Variants in PCDHGA11 observed in about 807,000 individuals in gnomAD.
The protein encoded by PCDHGA11 is protocadherin gamma subfamily A, 11, also known as protocadherin gamma-A11.
PCDHGA11 carries 39 observed loss-of-function variants against 60.4 expected under a neutral mutation model. The ratio of observed to expected loss-of-function variants is 0.65; its 90% CI spans 0.50 to 0.84. PCDHGA11 has a LOEUF of 0.84. PCDHGA11 is among the 40% of genes least tolerant of loss of function. The probability of loss-of-function intolerance (pLI) is 0.00; values close to 1 mark genes in which losing one functional copy is unlikely to be tolerated. For synonymous variants in PCDHGA11, 533 were observed against 510.3 expected (o/e 1.04, Z -0.60); for missense variants, 1,165 against 1,197.7 (o/e 0.97, Z 0.40).
At chr5:141,494,972 C>G in intron 2 of PCDHGA11, 107 bp downstream of exon 2, 1 of 1,581,852 alleles carries the variant, frequency 6.3e-7, no homozygotes, top group Non-Finnish European at 8.6e-7. Context: ...TGGCTTCTCC[C>G]TCAGTTTGAG....
chr5:141,439,186 C>T (rs2098094521), intron 1 of PCDHGA11, among the ~76,000 whole-genome samples: 1 of 141,808 alleles, frequency 7.1e-6, no homozygotes, highest in Admixed American at 7.0e-5. Flanking sequence ...TAGTGAGACT[C>T]TGACAAAAAA....
intron 2 of PCDHGA11, among the ~76,000 whole-genome samples, chr5:141,501,290 TACACACACACACACACACACAC>T (rs55762287): frequency 1.4e-4 from 19 of 136,248 alleles, no homozygotes; most frequent in Admixed American, 1.1e-3. Context: ...TATTCCCTTA[TACACACACACACACACACACAC>T]ACACACACAC....
intron 1 of PCDHGA11, among the ~76,000 whole-genome samples, chr5:141,459,109 C>A (rs1213203625): frequency 6.6e-6 from 1 of 152,174 alleles, no homozygotes; most frequent in Non-Finnish European, 1.5e-5. Context: ...TGCATTTTGA[C>A]AATTGTTTAC....
chr5:141,483,648 T>TTG (rs111458813), intron 1 of PCDHGA11, among the ~76,000 whole-genome samples: 1,883 of 149,700 alleles, frequency 0.013, 19 homozygotes, highest in African/African-American at 0.023. Flanking sequence ...GGGTGTGTGT[T>TTG]TGTGTGTGTG....
In PCDHGA11 at chr5:141,421,457, C is replaced by T. The variant is rs377073702; in HGVS notation, c.230C>T (p.Ala77Val). The T allele has an allele frequency of 5.6e-6, 9 of 1,614,014 alleles. No homozygotes were observed. Among genetic ancestry groups the T allele is most frequent in the African/African-American group, 2.7e-5 (2 of 74,956 alleles). Residue 77 changes from alanine to valine, a missense_variant, in exon 1 of 4, where the codon GCT becomes GTT. Coordinates refer to ENST00000398587, the MANE Select transcript of PCDHGA11 (RefSeq NM_018914.3). ...IVSRGKTQLF[A>V]VNPRSGSLIT... ...TCCAGAGGGAAGACACAGCTTTTCG[C>T]TGTGAATCCGCGAAGCGGCAGCTTG...
intron 1 of PCDHGA11, chr5:141,433,013 AC>A: frequency 6.2e-7 from 1 of 1,614,018 alleles, no homozygotes; most frequent in Non-Finnish European, 8.5e-7. Flanking sequence ...TTTCCTGCAG[AC>A]CTATTCCCAC....
At chr5:141,463,335 A>G (rs565781645) in intron 1 of PCDHGA11, among the ~76,000 whole-genome samples, 3 of 149,628 alleles carry the variant, frequency 2.0e-5, no homozygotes, top group South Asian at 2.1e-4. Context: ...CAGCAAAACC[A>G]TGGTGTTATT....
In PCDHGA11 at chr5:141,490,682, C is replaced by T. The variant is rs1286126848; in HGVS notation, c.2434-4125C>T. On this transcript the variant is annotated intron_variant, in intron 1 of 3. Coordinates refer to ENST00000398587, the MANE Select transcript of PCDHGA11 (RefSeq NM_018914.3). The surrounding 1 kb of genome is among the most constrained non-coding windows in gnomAD (Gnocchi z 5.4). ...CTTTGCACTGTGGCTGCCTCAGATC[C>T]AGACACTGGGGATAATGCCCGCCTC... 10 of 1,614,054 alleles carry T rather than the reference C, an allele frequency of 6.2e-6. No homozygotes were observed. The highest frequency in any genetic ancestry group is 3.3e-5 in the Admixed American group (2 of 60,008).
rs560662076 is a variant in PCDHGA11, at chr5:141,498,856, C to A, written c.2492+3991C>A. Among the ~76,000 whole-genome samples, 72 of 152,004 alleles carry A rather than the reference C, an allele frequency of 4.7e-4. 2 individuals carry two copies. Among genetic ancestry groups the A allele is most frequent in the African/African-American group, 1.7e-3 (69 of 41,430 alleles). ...GCTGAGGCAGGGGAATCGCTTGAACCCAGGAGGCGGAGGTTGCAGTGAGCT... is the reference window on the plus strand; with the variant it reads ...GCTGAGGCAGGGGAATCGCTTGAACACAGGAGGCGGAGGTTGCAGTGAGCT... On this transcript the variant is annotated intron_variant, in intron 2 of 3. Coordinates refer to ENST00000398587, the MANE Select transcript of PCDHGA11 (RefSeq NM_018914.3).
chr5:141,473,148 C>T (rs1381616255), intron 1 of PCDHGA11, among the ~76,000 whole-genome samples: 1 of 152,184 alleles, frequency 6.6e-6, no homozygotes, highest in Non-Finnish European at 1.5e-5. Flanking sequence ...CTCTTCAGAT[C>T]ACTAGGGCTA....
In PCDHGA11 at chr5:141,421,780, G is replaced by A. The variant is rs1259671007; in HGVS notation, c.553G>A (p.Gly185Ser). Residue 185 changes from glycine (G) to serine (S), a missense_variant, in exon 1 of 4, where the codon GGC (glycine) becomes AGC (serine). Gly to Ser is a moderately conservative substitution (Grantham distance 56, BLOSUM62 0). Coordinates refer to ENST00000398587, the MANE Select transcript of PCDHGA11 (RefSeq NM_018914.3). ...PNNYFSLQLR[G>S]RTDGAKNPEL... ...TAATTACTTTTCCTTGCAACTGCGGGGCAGAACGGATGGGGCCAAGAATCC... is the reference window on the plus strand; with the variant it reads ...TAATTACTTTTCCTTGCAACTGCGGAGCAGAACGGATGGGGCCAAGAATCC... The A allele has an allele frequency of 2.5e-6, 4 of 1,613,856 alleles. No homozygotes were observed. In the South Asian group the frequency reaches 4.4e-5, roughly 18 times the overall value.
chr5:141,469,372 C>T (rs780872014), intron 1 of PCDHGA11, among the ~76,000 whole-genome samples: 2 of 151,990 alleles, frequency 1.3e-5, no homozygotes, highest in African/African-American at 2.4e-5. Context: ...GTAAAGAGAT[C>T]GAGACCATCC....
chr5:141,453,560 G>A (rs1230229107), intron 1 of PCDHGA11, among the ~76,000 whole-genome samples: 3 of 151,968 alleles, frequency 2.0e-5, no homozygotes, highest in Admixed American at 6.6e-5. Flanking sequence ...GTAGATAATC[G>A]ATTTCATTAG....
chr5:141,490,945 C>T lies in PCDHGA11; in HGVS notation c.2434-3862C>T, dbSNP rs2099706308. On this transcript the variant is annotated intron_variant, in intron 1 of 3. Transcript: ENST00000398587. This position sits in a 1 kb window ranked among gnomAD's most constrained non-coding sequence, Gnocchi z 5.4. ...TGCCCCAGCTGTGCTGCACCCACGG[C>T]CAGACTGGGAACACTCAGCCCCCCA... The T allele has an allele frequency of 6.2e-7, 1 of 1,613,434 alleles. No homozygotes were observed. Among genetic ancestry groups the T allele is most frequent in the South Asian group, 1.1e-5 (1 of 91,010 alleles).
At chr5:141,426,788 T>C (rs2096960035) in intron 1 of PCDHGA11, 1 of 456,568 alleles carries the variant, frequency 2.2e-6, no homozygotes, top group African/African-American at 2.0e-5. Context: ...CTCTCCAGAG[T>C]TACCAGCTCA....
At chr5:141,495,020 C>G in intron 2 of PCDHGA11, 155 bp downstream of exon 2, 1 of 976,790 alleles carries the variant, frequency 1.0e-6, no homozygotes, top group Non-Finnish European at 1.2e-6. Context: ...GGCTGGCACA[C>G]AGACCCCGGA....
chr5:141,430,938 C>A, intron 1 of PCDHGA11: 1 of 1,607,082 alleles, frequency 6.2e-7, no homozygotes, highest in Non-Finnish European at 8.5e-7. Context: ...CGGGAGCTCG[C>A]GGAGCGCGGA....
chr5:141,477,901 C>T lies in PCDHGA11; in HGVS notation c.2434-16906C>T, dbSNP rs2099423750. ...GCCACCTAGTGTCACGGGTGGTAGG[C>T]TGGGACGCGGATGCAGGGCACAATG... On this transcript the variant is annotated intron_variant, in intron 1 of 3. Transcript: ENST00000398587. The surrounding 1 kb of genome is among the most constrained non-coding windows in gnomAD (Gnocchi z 4.9). The T allele has an allele frequency of 1.9e-6, 3 of 1,614,188 alleles. No homozygotes were observed. The highest frequency in any genetic ancestry group is 2.5e-6 in the Non-Finnish European group (3 of 1,180,042).
chr5:141,434,566 G>A (rs1280487112), intron 1 of PCDHGA11, among the ~76,000 whole-genome samples: 1 of 152,196 alleles, frequency 6.6e-6, no homozygotes, highest in African/African-American at 2.4e-5. Flanking sequence ...TTAAGGACAT[G>A]CCCCTGCTGC....
Sources: allele counts gnomAD v4.1 joint callset (sites outside exome capture counted in the v4.1 genomes callset), GRCh38; gene constraint gnomAD v4.1.1; non-coding constraint Gnocchi (gnomAD v3.1); transcripts MANE v1.5; gene names NCBI Gene and HGNC (gene_info 2026-07-23, HGNC 2026-07-21).